Variants in FGF1 observed in about 807,000 individuals in gnomAD.
FGF1 encodes the protein beta-endothelial cell growth factor.
A neutral mutation model predicts 13.4 loss-of-function variants in FGF1; 9 were observed. The ratio of observed to expected loss-of-function variants is 0.67; its 90% CI spans 0.40 to 1.17. FGF1 has a LOEUF of 1.17. Among genes scored for constraint, FGF1 ranks in the 50% most tolerant of loss-of-function variants. FGF1 has a pLI of 0.01. For missense variants in FGF1, 156 were observed against 192.7 expected, an observed-to-expected ratio of 0.81 and a Z score of 1.13; for synonymous variants, 93 against 79.0, an observed-to-expected ratio of 1.18 and a Z score of -0.94.
intron 1 of FGF1, among the ~76,000 whole-genome samples, chr5:142,670,916 G>GA (rs1234586328): frequency 2.6e-5 from 4 of 152,178 alleles, no homozygotes; most frequent in Non-Finnish European, 4.4e-5. Context: ...GACAAAAATG[G>GA]AAAAACTTGG....
intron 1 of FGF1, among the ~76,000 whole-genome samples, chr5:142,618,395 C>T (rs1057345356): frequency 2.0e-5 from 3 of 152,094 alleles, no homozygotes; most frequent in South Asian, 2.1e-4. Flanking sequence ...GATGTTTCCT[C>T]TAATAATTCT....
intron 1 of FGF1, among the ~76,000 whole-genome samples, chr5:142,653,221 G>T (rs1767563690): frequency 2.0e-5 from 3 of 152,194 alleles, no homozygotes; most frequent in Admixed American, 2.0e-4. Flanking sequence ...ACCTGAGCCA[G>T]CAGGGTCCTC....
chr5:142,691,941 C>A (rs1484510736), intron 2 of FGF1, among the ~76,000 whole-genome samples: 1 of 152,158 alleles, frequency 6.6e-6, no homozygotes, highest in African/African-American at 2.4e-5. Flanking sequence ...AGGCTGTGAA[C>A]CTTGCCTCCT....
rs1166273558 is a variant in FGF1, at chr5:142,592,439, TATC to T, written c.*2848_*2850del. 8 of 398,458 alleles carry T rather than the reference TATC, an allele frequency of 2.0e-5. No individual in the cohort carries two copies. The allele number at this position is 398,458 out of a possible 1,614,324, so 24.7% of individuals were successfully genotyped here. A position where few individuals can be genotyped will look rare whatever the true frequency, so the allele number is the denominator to read the frequency against. Reference sequence around the variant, plus strand: ...ACTGTTGGCCATTGTGAATCTTTCTTATCATGCCTTCCAAGGAAACCAATACCT... The same window carrying T: ...ACTGTTGGCCATTGTGAATCTTTCTTATGCCTTCCAAGGAAACCAATACCT... On this transcript the variant is annotated 3_prime_UTR_variant, in exon 4 of 4. Coordinates refer to ENST00000337706, the MANE Select transcript of FGF1 (RefSeq NM_000800.5).
In FGF1 at chr5:142,608,599, T is replaced by C. The variant is rs1348891412; in HGVS notation, c.169+5360A>G. ...ATATATATATACACACACACACACA[T>C]ATATGTAAATATATATGAAAAAAAA... On this transcript the variant is annotated intron_variant, in intron 2 of 3. Transcript: ENST00000337706. Among the ~76,000 whole-genome samples, 69 of 130,916 alleles carry C rather than the reference T, an allele frequency of 5.3e-4. 1 individual carries two copies. The highest frequency in any genetic ancestry group is 1.8e-3 in the African/African-American group (61 of 34,658). 85.9% of individuals were successfully genotyped at this position (130,916 alleles called of 152,430 possible).
chr5:142,628,525 G>A (rs1444707416), intron 1 of FGF1, among the ~76,000 whole-genome samples: 1 of 152,208 alleles, frequency 6.6e-6, no homozygotes, highest in Non-Finnish European at 1.5e-5. Flanking sequence ...CATGAGGCTA[G>A]AGATAGTTGC....
At chr5:142,660,492 C>G (rs1413952896) in intron 1 of FGF1, among the ~76,000 whole-genome samples, 2 of 152,242 alleles carry the variant, frequency 1.3e-5, no homozygotes, top group African/African-American at 4.8e-5. Flanking sequence ...GAGGTCTGCC[C>G]CCGCTCTGCT....
At chr5:142,635,280 A>T (rs886111847) in intron 1 of FGF1, among the ~76,000 whole-genome samples, 1 of 152,194 alleles carries the variant, frequency 6.6e-6, no homozygotes, top group Admixed American at 6.5e-5. Context: ...ATTAAATGAG[A>T]TAATGCATGT....
chr5:142,634,151 C>G (rs1380046039), intron 1 of FGF1, among the ~76,000 whole-genome samples: 2 of 149,590 alleles, frequency 1.3e-5, no homozygotes, highest in African/African-American at 5.0e-5. Context: ...CGAGATCGTG[C>G]CACTGCACTC....
chr5:142,664,107 G>A (rs560462226), intron 1 of FGF1, among the ~76,000 whole-genome samples: 1 of 152,304 alleles, frequency 6.6e-6, no homozygotes, highest in East Asian at 1.9e-4. Context: ...CAGGGGGAGT[G>A]AGCAGTTCCA....
intron 2 of FGF1, chr5:142,601,024 G>C (rs1756429082): frequency 1.6e-6 from 1 of 617,834 alleles, no homozygotes; most frequent in African/African-American, 1.8e-5. Flanking sequence ...GGAAAGGAAG[G>C]AGAGACAACG....
At chr5:142,686,804 C>A (rs1231614797), upstream of FGF1, among the ~76,000 whole-genome samples, 1 of 152,178 alleles carries the variant, frequency 6.6e-6, no homozygotes, top group African/African-American at 2.4e-5. Flanking sequence ...GCAGCTCTGT[C>A]CTCCCTCTCC....
chr5:142,640,612 A>G (rs1185542745), intron 1 of FGF1, among the ~76,000 whole-genome samples: 3 of 152,078 alleles, frequency 2.0e-5, no homozygotes, highest in Admixed American at 2.0e-4. Context: ...CTGTTATCCA[A>G]GAATAGGCAA....
intron 2 of FGF1, among the ~76,000 whole-genome samples, chr5:142,606,070 C>T (rs1757595145): frequency 6.6e-6 from 1 of 151,218 alleles, no homozygotes; most frequent in African/African-American, 2.4e-5. Flanking sequence ...TCAGCGCCAG[C>T]CATGGTCCCT....
At chr5:142,691,865 C>T (rs1597486846) in intron 2 of FGF1, among the ~76,000 whole-genome samples, 2 of 152,172 alleles carry the variant, frequency 1.3e-5, no homozygotes, top group South Asian at 2.1e-4. Flanking sequence ...CACATAGGAT[C>T]TGCCACCTTC....
At chr5:142,683,959 C>A (rs887265623) in intron 1 of FGF1, among the ~76,000 whole-genome samples, 1 of 151,812 alleles carries the variant, frequency 6.6e-6, no homozygotes, top group African/African-American at 2.4e-5. Context: ...TGGATGTGTT[C>A]CTCCTCTTAC....
At chr5:142,610,246 C>T (rs1758763333) in intron 2 of FGF1, among the ~76,000 whole-genome samples, 1 of 152,120 alleles carries the variant, frequency 6.6e-6, no homozygotes. Context: ...TAGCTGCCAC[C>T]AATACAATTC....
At chr5:142,646,602 T>C (rs1160467448) in intron 1 of FGF1, among the ~76,000 whole-genome samples, 2 of 151,246 alleles carry the variant, frequency 1.3e-5, no homozygotes, top group South Asian at 2.1e-4. Flanking sequence ...CTGCCCGCCT[T>C]GGCCTCCCAA....
chr5:142,625,157 T>C (rs1216896867), intron 1 of FGF1, among the ~76,000 whole-genome samples: 2 of 152,144 alleles, frequency 1.3e-5, no homozygotes, highest in Non-Finnish European at 2.9e-5. Context: ...CACACCAGAC[T>C]CATCAAGCCA....
Sources: allele counts gnomAD v4.1 joint callset (sites outside exome capture counted in the v4.1 genomes callset), GRCh38; gene constraint gnomAD v4.1.1; transcripts MANE v1.5; gene names NCBI Gene and HGNC (gene_info 2026-07-23, HGNC 2026-07-21).